SRP19: variants seen among roughly 807,000 people sequenced by gnomAD.
SRP19 encodes signal recognition particle 19 kDa protein.
A neutral mutation model predicts 22.4 loss-of-function variants in SRP19; 11 were observed. That is an observed-to-expected ratio of 0.49 (90% CI 0.31 to 0.81). The LOEUF (loss-of-function observed/expected upper bound fraction) is 0.81. Among genes scored for constraint, SRP19 ranks in the 40% least tolerant of loss-of-function variants. The pLI is 0.05. For missense variants in SRP19, 168 were observed against 175.9 expected (o/e 0.96, Z 0.25); for synonymous variants, 61 against 57.6 (o/e 1.06, Z -0.27).
chr5:112,867,928 A>T lies in SRP19; in HGVS notation c.*391A>T, dbSNP rs1580717161. 1 of 989,944 alleles carries T rather than the reference A, an allele frequency of 1.0e-6. No individual in the cohort carries two copies. The highest frequency in any genetic ancestry group is 5.2e-4 in the Middle Eastern group (1 of 1,924). 61.3% of individuals were successfully genotyped at this position (989,944 alleles called of 1,614,324 possible). A position where few individuals can be genotyped will look rare whatever the true frequency, so the allele number is the denominator to read the frequency against. On this transcript the variant is annotated 3_prime_UTR_variant, in exon 5 of 5. Coordinates refer to ENST00000505459, the MANE Select transcript of SRP19 (RefSeq NM_003135.3). ...ACTGACTTTTGCAGCTTTTGCTTAT[A>T]TACTAATGCTAGGAGAGGAGGGATA...
At chr5:112,864,814 T>TA (rs778569518) in intron 4 of SRP19, 82 bp downstream of exon 4, 7 of 1,076,640 alleles carry the variant, frequency 6.5e-6, no homozygotes, top group Non-Finnish European at 9.5e-6. Flanking sequence ...AACTGAAAGG[T>TA]AAAAGTCAGA....
Position 112,862,566 on chromosome 5 carries a change from C to T in SRP19, c.100C>T (p.Arg34Ter). Residue 34 changes from arginine (R) to a stop codon, truncating the protein, a stop_gained, in exon 2 of 5, where the codon CGA becomes TGA. Transcript: ENST00000505459. LOFTEE classifies it high-confidence loss of function. The stretch of plus-strand genomic sequence containing the variant: ...TAAGAAGACCATCGCAGAGGGAAGG[C>T]GAATCCCCATAAGTAAGGTAAGCAA... ...NNKKTIAEGRRIPISKAVENP... is the reference protein window; with the variant it reads ...NNKKTIAEGR The T allele has an allele frequency of 1.2e-6, 2 of 1,613,690 alleles. No homozygotes were observed. Among genetic ancestry groups the T allele is most frequent in the Non-Finnish European group, 1.7e-6 (2 of 1,179,900 alleles).
chr5:112,880,572 ACCCTTTGTAGAAAT>A (rs1222021855), intron 4 of SRP19, among the ~76,000 whole-genome samples: 1 of 152,196 alleles, frequency 6.6e-6, no homozygotes, highest in Non-Finnish European at 1.5e-5. Flanking sequence ...CCCTTAACTA[ACCCTTTGTAGAAAT>A]TCCTAGTTAA....
chr5:112,888,594 T>TTCA (rs1554093181), intron 4 of SRP19, among the ~76,000 whole-genome samples: 1 of 144,844 alleles, frequency 6.9e-6, no homozygotes, highest in Non-Finnish European at 1.5e-5. Context: ...TGGCTAATTT[T>TTCA]TTATAACTTT....
chr5:112,874,418 T>C (rs2150030248), downstream of SRP19, among the ~76,000 whole-genome samples: 1 of 152,282 alleles, frequency 6.6e-6, no homozygotes, highest in Middle Eastern at 3.4e-3. Flanking sequence ...GGCTCCATAC[T>C]AGGATCACCT....
At chr5:112,863,954 G>C (rs1328514906) in intron 2 of SRP19, among the ~76,000 whole-genome samples, 1 of 152,088 alleles carries the variant, frequency 6.6e-6, no homozygotes, top group Non-Finnish European at 1.5e-5. Flanking sequence ...TTTCTACTCT[G>C]GATGGAAAAT....
chr5:112,886,264 CTT>C (rs1768240426), intron 4 of SRP19, among the ~76,000 whole-genome samples: 2 of 152,202 alleles, frequency 1.3e-5, no homozygotes, highest in Non-Finnish European at 2.9e-5. Flanking sequence ...CAAGTATTGT[CTT>C]TTGGCATCCA....
intron 4 of SRP19, 143 bp from the exon 5 acceptor site, chr5:112,867,261 A>T: frequency 2.2e-6 from 2 of 890,790 alleles, no homozygotes; most frequent in Non-Finnish European, 3.3e-6. Flanking sequence ...CAGTGTCTTC[A>T]GTCATTTGAT....
intron 4 of SRP19, among the ~76,000 whole-genome samples, chr5:112,883,600 T>C (rs936005275): frequency 5.3e-5 from 8 of 152,162 alleles, no homozygotes; most frequent in Non-Finnish European, 1.2e-4. Context: ...ACCTTCGTGA[T>C]CTCATCTAGT....
chr5:112,879,171 C>A (rs903185272), intron 4 of SRP19, among the ~76,000 whole-genome samples: 3 of 152,120 alleles, frequency 2.0e-5, no homozygotes. Flanking sequence ...TGTTCAAATT[C>A]TATTTGTATC....
At chr5:112,881,486 C>G (rs145760128) in intron 4 of SRP19, among the ~76,000 whole-genome samples, 2 of 152,158 alleles carry the variant, frequency 1.3e-5, no homozygotes, top group Non-Finnish European at 2.9e-5. Context: ...TCCATTCCTC[C>G]GAATGTTTCC....
At chr5:112,875,456 C>T (rs1767873239) in intron 4 of SRP19, among the ~76,000 whole-genome samples, 1 of 151,772 alleles carries the variant, frequency 6.6e-6, no homozygotes, top group Admixed American at 6.6e-5. Flanking sequence ...GCAGCCTTGA[C>T]CTCCCAGGCT....
chr5:112,864,760 G>A lies in SRP19; in HGVS notation c.301+28G>A, dbSNP rs899538768. The A allele has an allele frequency of 6.5e-6, 10 of 1,540,888 alleles. No homozygotes were observed. The African/African-American group carries it at 1.1e-4, about 17-fold the overall frequency. On this transcript the variant is annotated intron_variant, in intron 4 of 4. Transcript: ENST00000505459. ...AAGCTTGTTTAAATGAATCAGTGGG[G>A]CTCAGGGATAGGTTTCTCCTACACA...
intron 4 of SRP19, chr5:112,878,639 A>G (rs1580724801): frequency 8.4e-7 from 1 of 1,190,014 alleles, no homozygotes; most frequent in Non-Finnish European, 1.2e-6. Flanking sequence ...AAGTAAGCAA[A>G]GAAACTTACA....
At chr5:112,872,525 C>T (rs995798931), downstream of SRP19, among the ~76,000 whole-genome samples, 3 of 151,990 alleles carry the variant, frequency 2.0e-5, no homozygotes, top group Admixed American at 6.6e-5. Context: ...GATGGGGTTT[C>T]GCTGTGTTGG....
chr5:112,874,492 T>C (rs1280886230), downstream of SRP19, among the ~76,000 whole-genome samples: 2 of 152,206 alleles, frequency 1.3e-5, no homozygotes, highest in East Asian at 3.8e-4. Flanking sequence ...CAGCACTTTG[T>C]TAGTGGAGGC....
intron 4 of SRP19, among the ~76,000 whole-genome samples, chr5:112,880,248 A>G (rs1189381284): frequency 6.6e-6 from 1 of 152,172 alleles, no homozygotes; most frequent in African/African-American, 2.4e-5. Flanking sequence ...GCCCATCTCT[A>G]TAGAAAAAAA....
chr5:112,884,256 C>T (rs1768163328), intron 4 of SRP19, among the ~76,000 whole-genome samples: 1 of 152,206 alleles, frequency 6.6e-6, no homozygotes, highest in Non-Finnish European at 1.5e-5. Context: ...CCTCCATTCG[C>T]AACTTCTTCC....
intron 4 of SRP19, chr5:112,887,042 CTT>C: frequency 2.5e-6 from 4 of 1,612,692 alleles, no homozygotes; most frequent in Non-Finnish European, 2.5e-6. Context: ...TCTGCAGTCT[CTT>C]TGGCCTTGTC....
Sources: gnomAD v4.1 joint callset for allele counts (sites outside exome capture counted in the v4.1 genomes callset) on GRCh38, gnomAD v4.1.1 for gene constraint, MANE v1.5 for transcripts, NCBI Gene and HGNC (gene_info 2026-07-23, HGNC 2026-07-21) for gene names.